The following AGBL4 variants were observed in gnomAD, a reference collection of about 807,000 sequenced individuals.
The protein encoded by AGBL4 is AGBL carboxypeptidase 4.
In AGBL4, 58 loss-of-function variants were observed where a neutral mutation model predicts 66.4. The observed-to-expected ratio is 0.87, with a 90% confidence interval of 0.71 to 1.09. AGBL4 has a LOEUF of 1.09. Ranked by LOEUF, AGBL4 falls within the 50% of genes least tolerant of loss-of-function variation. The pLI is 0.00. For synonymous variants in AGBL4, 234 were observed against 222.9 expected (o/e 1.05, Z -0.44); for missense variants, 579 against 631.0 (o/e 0.92, Z 0.88).
At chr1:48,881,115 T>G (rs1378090714) in intron 5 of AGBL4, among the ~76,000 whole-genome samples, 1 of 152,178 alleles carries the variant, frequency 6.6e-6, no homozygotes, top group Non-Finnish European at 1.5e-5. Context: ...AATTCCTGGG[T>G]CTAAAAGTGT....
chr1:48,590,709 C>A (rs1644901632), intron 10 of AGBL4, 124 bp downstream of exon 10: 2 of 1,120,944 alleles, frequency 1.8e-6, no homozygotes, highest in Non-Finnish European at 2.5e-6. Context: ...TCATCACCCA[C>A]ACAATACCTA....
At chr1:48,817,132 A>C (rs936280758) in intron 6 of AGBL4, among the ~76,000 whole-genome samples, 1 of 152,226 alleles carries the variant, frequency 6.6e-6, no homozygotes, top group African/African-American at 2.4e-5. Context: ...TGTTTGCCCA[A>C]GTGCTTTATG....
At chr1:49,949,684 T>A (rs544269208) in intron 1 of AGBL4, among the ~76,000 whole-genome samples, 2 of 151,728 alleles carry the variant, frequency 1.3e-5, no homozygotes, top group South Asian at 2.1e-4. Context: ...TGAATGGCCA[T>A]AATCAAAAAA....
chr1:49,005,505 G>A (rs1346570441), intron 5 of AGBL4, among the ~76,000 whole-genome samples: 1 of 152,152 alleles, frequency 6.6e-6, no homozygotes, highest in East Asian at 1.9e-4. Flanking sequence ...TTGGTTATCA[G>A]ATTGACTGTC....
chr1:49,372,616 TTTCTTTCTTTC>T lies in AGBL4; in HGVS notation c.283-126763_283-126753del, dbSNP rs1644375409. Among the ~76,000 whole-genome samples the T allele has an allele frequency of 2.0e-4, 5 of 24,620 alleles. No individual in the cohort carries two copies. The South Asian group carries it at 3.4e-3, about 17-fold the overall frequency. 16.2% of individuals were successfully genotyped at this position (24,620 alleles called of 152,430 possible). On this transcript the variant is annotated intron_variant, in intron 3 of 13. Coordinates refer to ENST00000371839, the MANE Select transcript of AGBL4 (RefSeq NM_032785.4). ...TTTCTTTTCTTTTTCTTTTTCTTTC[TTTCTTTCTTTC>T]TTTCTTTCTTTCTTTCTTTCTTTCT...
At chr1:49,636,635 G>T (rs1465780929) in intron 3 of AGBL4, among the ~76,000 whole-genome samples, 1 of 152,146 alleles carries the variant, frequency 6.6e-6, no homozygotes, top group Non-Finnish European at 1.5e-5. Context: ...ACATATGTAT[G>T]TATGATTACA....
chr1:48,905,515 A>C (rs1652503414), intron 5 of AGBL4, among the ~76,000 whole-genome samples: 1 of 152,222 alleles, frequency 6.6e-6, no homozygotes, highest in Admixed American at 6.5e-5. Flanking sequence ...AAGGTTTCTG[A>C]AATTAAGAGA....
In AGBL4 at chr1:50,001,624, G is replaced by A. The variant is rs112334159; in HGVS notation, c.34+22139C>T. Among the ~76,000 whole-genome samples the A allele has an allele frequency of 4.4e-3, 667 of 152,080 alleles. 9 individuals carry two copies. Among genetic ancestry groups the A allele is most frequent in the African/African-American group, 0.015 (625 of 41,520 alleles). ...AATCAGTGAAGCAGACTAAAAATAA[G>A]AAATTAAGGAGAAAATAGGGAATGA... On this transcript the variant is annotated intron_variant, in intron 1 of 13. Transcript: ENST00000371839.
At chr1:48,939,511 A>C (rs1460272569) in intron 5 of AGBL4, among the ~76,000 whole-genome samples, 9 of 152,210 alleles carry the variant, frequency 5.9e-5, no homozygotes, top group Non-Finnish European at 2.9e-5. Flanking sequence ...AGCTCAAGAA[A>C]GGGGCCTCCA....
At position 48,853,458 on chromosome 1, in the gene AGBL4, T is replaced by A. The variant is rs1432951185; in HGVS notation, c.634+13733A>T. ...GCAGCAATGTAATCACAGTAATAAC[T>A]GTTTATTTAAAATCTATGGGTCATG... On this transcript the variant is annotated intron_variant, in intron 6 of 13. Transcript: ENST00000371839. Among the ~76,000 whole-genome samples, 7 of 152,346 alleles carry A rather than the reference T, an allele frequency of 4.6e-5. 2 individuals carry two copies. Among genetic ancestry groups the A allele is most frequent in the Middle Eastern group, 6.8e-3 (2 of 294 alleles).
At chr1:49,986,034 CTT>C (rs758172366) in intron 1 of AGBL4, among the ~76,000 whole-genome samples, 5 of 152,106 alleles carry the variant, frequency 3.3e-5, no homozygotes, top group Non-Finnish European at 7.4e-5. Context: ...TAAGAAATCT[CTT>C]GAGTTATTGA....
chr1:49,619,129 C>T (rs767282866), intron 3 of AGBL4, among the ~76,000 whole-genome samples: 4 of 152,036 alleles, frequency 2.6e-5, no homozygotes, highest in Non-Finnish European at 5.9e-5. Flanking sequence ...GGCAATCAGG[C>T]AAGAGAAAGA....
At chr1:49,552,697 G>A (rs917817581) in intron 3 of AGBL4, among the ~76,000 whole-genome samples, 7 of 152,150 alleles carry the variant, frequency 4.6e-5, no homozygotes, top group Non-Finnish European at 1.0e-4. Context: ...TCTTCAGAAG[G>A]CCTGTGAATC....
intron 6 of AGBL4, among the ~76,000 whole-genome samples, chr1:48,848,238 T>A (rs1044883340): frequency 6.6e-6 from 1 of 152,242 alleles, no homozygotes; most frequent in Non-Finnish European, 1.5e-5. Flanking sequence ...CCTTTCCAAG[T>A]TCCCTTACTG....
At chr1:49,860,339 AT>A (rs997996095) in intron 1 of AGBL4, among the ~76,000 whole-genome samples, 1 of 152,216 alleles carries the variant, frequency 6.6e-6, no homozygotes, top group African/African-American at 2.4e-5. Context: ...TGGTCAATTG[AT>A]TTTCAATAAA....
intron 1 of AGBL4, among the ~76,000 whole-genome samples, chr1:49,872,197 T>C (rs982080562): frequency 6.6e-6 from 1 of 152,094 alleles, no homozygotes; most frequent in Non-Finnish European, 1.5e-5. Flanking sequence ...CAATAGAGTA[T>C]ACTCTCATGA....
intron 4 of AGBL4, among the ~76,000 whole-genome samples, chr1:49,064,226 T>G (rs1644452419): frequency 6.6e-6 from 1 of 152,214 alleles, no homozygotes; most frequent in South Asian, 2.1e-4. Context: ...TTACTAAATT[T>G]TGGATGATCC....
intron 2 of AGBL4, among the ~76,000 whole-genome samples, chr1:49,849,414 ATTATTATTATT>A (rs1646246627): frequency 6.4e-5 from 8 of 125,966 alleles, no homozygotes; most frequent in Admixed American, 4.8e-4. Flanking sequence ...TATTATTATT[ATTATTATTATT>A]ATTATTATGT....
intron 4 of AGBL4, among the ~76,000 whole-genome samples, chr1:49,177,388 A>G (rs967186198): frequency 1.3e-5 from 2 of 152,148 alleles, no homozygotes; most frequent in South Asian, 4.1e-4. Context: ...TCACATCACA[A>G]TCATAATCCC....
Sources: gnomAD v4.1 joint callset for allele counts (sites outside exome capture counted in the v4.1 genomes callset) on GRCh38, gnomAD v4.1.1 for gene constraint, MANE v1.5 for transcripts, NCBI Gene and HGNC (gene_info 2026-07-23, HGNC 2026-07-21) for gene names.